GLRA3: variants seen among roughly 807,000 people sequenced by gnomAD.
GLRA3 encodes glycine receptor subunit alpha-3.
Under a neutral mutation model 60.4 loss-of-function variants are expected in GLRA3, and 44 were observed. That is an observed-to-expected ratio of 0.73 (90% CI 0.57 to 0.94). GLRA3 has a LOEUF of 0.94. Ranked by LOEUF, GLRA3 falls within the 40% of genes least tolerant of loss-of-function variation. GLRA3 has a pLI of 0.00. For synonymous variants in GLRA3, 223 were observed against 192.9 expected (o/e 1.16, Z -1.29); for missense variants, 508 against 564.6 (o/e 0.90, Z 1.02).
chr4:174,822,280 A>C (rs1740770262), intron 1 of GLRA3, among the ~76,000 whole-genome samples: 1 of 152,192 alleles, frequency 6.6e-6, no homozygotes, highest in Admixed American at 6.5e-5. Flanking sequence ...AAACTAGAGA[A>C]TCCAAACTTC....
chr4:174,748,116 T>C (rs550563310), intron 3 of GLRA3, among the ~76,000 whole-genome samples: 109 of 152,248 alleles, frequency 7.2e-4, no homozygotes, highest in Middle Eastern at 3.4e-3. Flanking sequence ...TGATTGAACC[T>C]TAATAATGGC....
chr4:174,719,465 A>G (rs1226277481), intron 4 of GLRA3, among the ~76,000 whole-genome samples: 1 of 152,176 alleles, frequency 6.6e-6, no homozygotes, highest in African/African-American at 2.4e-5. Flanking sequence ...TGCATAAATA[A>G]TTTTTATAAA....
intron 1 of GLRA3, among the ~76,000 whole-genome samples, chr4:174,809,643 T>C (rs986227388): frequency 2.0e-5 from 3 of 152,044 alleles, no homozygotes; most frequent in South Asian, 2.1e-4. Context: ...TGAGGTAAGA[T>C]AATCGTTTGA....
chr4:174,682,727 GC>G, intron 6 of GLRA3, 74 bp downstream of exon 6: 1 of 1,063,216 alleles, frequency 9.4e-7, no homozygotes, highest in East Asian at 2.4e-5. Flanking sequence ...AAATAACTTA[GC>G]ATTATAATGA....
intron 4 of GLRA3, among the ~76,000 whole-genome samples, chr4:174,721,952 C>G (rs1736150002): frequency 6.6e-6 from 1 of 151,380 alleles, no homozygotes; most frequent in Non-Finnish European, 1.5e-5. Flanking sequence ...ACTAACTTGC[C>G]TAAGAGAAAA....
In GLRA3 at chr4:174,690,194, T is replaced by C. The variant is rs921527039; in HGVS notation, c.575-7255A>G. 7.2e-5 allele frequency among the ~76,000 whole-genome samples: 11 copies of C among 152,314 alleles called. No individual in the cohort carries two copies. The East Asian group carries it at 7.7e-4, about 11-fold the overall frequency. Reference sequence around the variant, plus strand: ...TTTAAACACTATAACTTTATTTGTATATTTGTTTTCTGTTAGAAGGGCCTA... The same window carrying C: ...TTTAAACACTATAACTTTATTTGTACATTTGTTTTCTGTTAGAAGGGCCTA... On this transcript the variant is annotated intron_variant, in intron 5 of 9. Coordinates refer to ENST00000274093, the MANE Select transcript of GLRA3 (RefSeq NM_006529.4).
intron 9 of GLRA3, among the ~76,000 whole-genome samples, chr4:174,655,987 T>C (rs1354252337): frequency 6.6e-6 from 1 of 152,114 alleles, no homozygotes; most frequent in African/African-American, 2.4e-5. Flanking sequence ...AAATATAGTT[T>C]ACCCCAGAAA....
In GLRA3 at chr4:174,694,706, G is replaced by C. The variant is rs552378224; in HGVS notation, c.575-11767C>G. On this transcript the variant is annotated intron_variant, in intron 5 of 9. Transcript: ENST00000274093. ...GAAGCAAAAACAAATCAACCCCAAA[G>C]CTAGCAGAAGACAAGAAATAACAAA... 3.3e-4 allele frequency among the ~76,000 whole-genome samples: 50 copies of C among 152,090 alleles called. No homozygotes were observed. In the South Asian group the frequency reaches 0.01, roughly 31 times the overall value.
chr4:174,804,111 A>C (rs919582283), intron 1 of GLRA3, among the ~76,000 whole-genome samples: 2 of 152,186 alleles, frequency 1.3e-5, no homozygotes, highest in Admixed American at 6.6e-5. Context: ...GATTTTGAAT[A>C]ATTCAAAAGA....
intron 2 of GLRA3, among the ~76,000 whole-genome samples, chr4:174,771,816 TAATAC>T (rs935294229): frequency 2.0e-5 from 3 of 152,222 alleles, no homozygotes; most frequent in Middle Eastern, 3.2e-3. Flanking sequence ...GCATTCTCTA[TAATAC>T]ATTTTGTCTC....
At chr4:174,790,929 G>T (rs1392344685) in intron 1 of GLRA3, among the ~76,000 whole-genome samples, 1 of 150,556 alleles carries the variant, frequency 6.6e-6, no homozygotes, top group African/African-American at 2.4e-5. Context: ...GCGTGAACCT[G>T]GGAGGTGGGG....
chr4:174,773,208 C>T (rs143897556), intron 2 of GLRA3, among the ~76,000 whole-genome samples: 166 of 152,196 alleles, frequency 1.1e-3, no homozygotes, highest in African/African-American at 3.8e-3. Flanking sequence ...CTATAGCATC[C>T]ATATGGCAAA....
rs140216783 is a variant in GLRA3, at chr4:174,686,877, A to G, written c.575-3938T>C. 5.6e-3 allele frequency among the ~76,000 whole-genome samples: 853 copies of G among 152,352 alleles called. 17 individuals are homozygous for G. The highest frequency in any genetic ancestry group is 0.033 in the Admixed American group (511 of 15,296). ...TGCATGAAGAAGCATATAAAGTGTC[A>G]AATAATGTAAGATGATGTAAAGTTC... On this transcript the variant is annotated intron_variant, in intron 5 of 9. Transcript: ENST00000274093.
intron 2 of GLRA3, among the ~76,000 whole-genome samples, chr4:174,771,305 T>C (rs1199304771): frequency 5.3e-5 from 8 of 152,082 alleles, no homozygotes; most frequent in Admixed American, 6.6e-5. Flanking sequence ...TGTCAGAAGA[T>C]AATTTTTTCT....
intron 5 of GLRA3, chr4:174,712,474 C>A (rs1579490012): frequency 6.6e-6 from 1 of 152,048 alleles, no homozygotes; most frequent in Admixed American, 6.5e-5. Context: ...CAATTGATGC[C>A]TAAATGAAAG....
chr4:174,700,768 T>C lies in GLRA3; in HGVS notation c.574+14720A>G, dbSNP rs374396217. On this transcript the variant is annotated intron_variant, in intron 5 of 9. Transcript: ENST00000274093. ...ACCTTATTGAAGATATGGAGAAAGT[T>C]TGAGTGGTCTGCATAGATCAAACCA... 3.9e-5 allele frequency among the ~76,000 whole-genome samples: 6 copies of C among 152,266 alleles called. No homozygotes were observed. In the East Asian group the frequency reaches 5.8e-4, roughly 15 times the overall value.
At chr4:174,645,414 C>T (rs796391939) in intron 9 of GLRA3, among the ~76,000 whole-genome samples, 11 of 125,172 alleles carry the variant, frequency 8.8e-5, no homozygotes, top group South Asian at 4.9e-4. Context: ...AGTGAGACTC[C>T]GTCTCCAAAA....
intron 1 of GLRA3, among the ~76,000 whole-genome samples, chr4:174,804,216 G>A (rs996108991): frequency 2.6e-5 from 4 of 152,136 alleles, no homozygotes; most frequent in Non-Finnish European, 5.9e-5. Context: ...ATGTTGAACA[G>A]ACAGGTAAAA....
chr4:174,653,902 G>T (rs749790804), intron 9 of GLRA3, among the ~76,000 whole-genome samples: 3 of 151,986 alleles, frequency 2.0e-5, no homozygotes, highest in Non-Finnish European at 4.4e-5. Context: ...AAATAGCTGC[G>T]TTTAACATAA....
Sources: allele counts gnomAD v4.1 joint callset (sites outside exome capture counted in the v4.1 genomes callset), GRCh38; gene constraint gnomAD v4.1.1; transcripts MANE v1.5; gene names NCBI Gene and HGNC (gene_info 2026-07-23, HGNC 2026-07-21).